RTN1: variants seen among roughly 807,000 people sequenced by gnomAD.
RTN1 encodes the protein reticulon 1.
Under a neutral mutation model 65.5 loss-of-function variants are expected in RTN1, and 25 were observed. The observed-to-expected ratio is 0.38, with a 90% confidence interval of 0.28 to 0.53. The LOEUF (loss-of-function observed/expected upper bound fraction) is 0.53, where lower values mean the gene tolerates loss of function less well. RTN1 is among the 20% of genes least tolerant of loss of function. The probability of loss-of-function intolerance (pLI) is 0.79; values close to 1 mark genes in which losing one functional copy is unlikely to be tolerated. For missense variants in RTN1, 983 were observed against 1,025.4 expected (o/e 0.96, Z 0.57); for synonymous variants, 471 against 447.6 (o/e 1.05, Z -0.66).
At chr14:59,749,188 C>CTATATATATCTA (rs1363003146) in intron 1 of RTN1, among the ~76,000 whole-genome samples, 1 of 71,538 alleles carries the variant, frequency 1.4e-5, no homozygotes, top group African/African-American at 9.5e-5. Flanking sequence ...ATATATCTAT[C>CTATATATATCTA]TATATATATC....
intron 1 of RTN1, among the ~76,000 whole-genome samples, chr14:59,804,965 G>A (rs746837085): frequency 2.6e-5 from 4 of 152,214 alleles, no homozygotes; most frequent in African/African-American, 4.8e-5. Context: ...TCCCCAAGCA[G>A]GTCACAGATC....
rs1555358859 is a variant in RTN1 at position 59,750,232 on chromosome 14, A to ATATAT, written c.242-3756_242-3752dup. 4.3e-3 allele frequency among the ~76,000 whole-genome samples: 118 copies of ATATAT among 27,256 alleles called. 12 individuals are homozygous for ATATAT. Among genetic ancestry groups the ATATAT allele is most frequent in the African/African-American group, 0.014 (112 of 7,752 alleles). 17.9% of individuals were successfully genotyped at this position (27,256 alleles called of 152,430 possible). On this transcript the variant is annotated intron_variant, in intron 1 of 8. Transcript: ENST00000267484. Reference sequence around the variant, plus strand: ...ATAATATATATATTATATCTATAATATATATATTATATCTATAATATATAA... The same window carrying ATATAT: ...ATAATATATATATTATATCTATAATATATATTATATATTATATCTATAATATATAA...
intron 1 of RTN1, among the ~76,000 whole-genome samples, chr14:59,770,790 C>T (rs1041631913): frequency 6.6e-6 from 1 of 152,206 alleles, no homozygotes; most frequent in Non-Finnish European, 1.5e-5. Flanking sequence ...CGCAATGGCT[C>T]ATGCCTGTAA....
intron 1 of RTN1, among the ~76,000 whole-genome samples, chr14:59,789,116 T>C (rs1220353902): frequency 6.6e-6 from 1 of 152,062 alleles, no homozygotes; most frequent in Non-Finnish European, 1.5e-5. Flanking sequence ...CTATTATTTA[T>C]TTCTTTAGCT....
At chr14:59,828,025 T>C (rs1350808432) in intron 1 of RTN1, among the ~76,000 whole-genome samples, 1 of 152,202 alleles carries the variant, frequency 6.6e-6, no homozygotes, top group Non-Finnish European at 1.5e-5. Context: ...CCACCCTATC[T>C]AGCTCCCAGG....
At chr14:59,784,057 C>A (rs527286745) in intron 1 of RTN1, among the ~76,000 whole-genome samples, 1 of 152,112 alleles carries the variant, frequency 6.6e-6, no homozygotes, top group Admixed American at 6.5e-5. Context: ...TGCAAAGTTT[C>A]TATTAGGTCA....
At chr14:59,818,927 G>A (rs1024555451) in intron 1 of RTN1, among the ~76,000 whole-genome samples, 3 of 152,180 alleles carry the variant, frequency 2.0e-5, no homozygotes. Context: ...ATGAAGACGC[G>A]GACCTTCGCG....
At chr14:59,800,974 C>A (rs1449757243) in intron 1 of RTN1, among the ~76,000 whole-genome samples, 1 of 151,688 alleles carries the variant, frequency 6.6e-6, no homozygotes, top group Non-Finnish European at 1.5e-5. Flanking sequence ...AAAAGCTCAT[C>A]AGCTTACTGG....
At chr14:59,617,622 GT>G (rs771573760) in intron 3 of RTN1, among the ~76,000 whole-genome samples, 4 of 152,138 alleles carry the variant, frequency 2.6e-5, no homozygotes, top group Non-Finnish European at 4.4e-5. Flanking sequence ...TGTTCTTGAG[GT>G]TTTTTCTGCA....
In RTN1 at chr14:59,607,414, A is replaced by G. The variant is rs1881794082; in HGVS notation, c.1844T>C (p.Leu615Pro). Residue 615 changes from leucine (L) to proline (P), a missense_variant, in exon 4 of 9, where the codon CTG becomes CCG. Transcript: ENST00000267484. ...FGSFLLLLFS[L>P]TQFSVVSVVA... ...GACGCTCACCACGCTGAACTGGGTC[A>G]GGGAGAAGAGCAGCAGCAGGAAACT... is the stretch of plus-strand genomic sequence containing the variant. The G allele has an allele frequency of 3.1e-6, 5 of 1,613,924 alleles. No individual in the cohort carries two copies. The highest frequency in any genetic ancestry group is 1.3e-5 in the African/African-American group (1 of 75,062).
intron 3 of RTN1, among the ~76,000 whole-genome samples, chr14:59,627,024 T>C (rs1882418232): frequency 6.6e-6 from 1 of 152,188 alleles, no homozygotes; most frequent in Non-Finnish European, 1.5e-5. Context: ...CAGTGAGTGC[T>C]GAGATGGGAG....
At chr14:59,677,849 T>G (rs1431293513) in intron 3 of RTN1, among the ~76,000 whole-genome samples, 1 of 152,148 alleles carries the variant, frequency 6.6e-6, no homozygotes, top group East Asian at 1.9e-4. Context: ...ACCCCAGTCA[T>G]GAAAGGCAGT....
rs1260558986 is a variant in RTN1, at chr14:59,749,195, T to C, written c.242-2714A>G. On this transcript the variant is annotated intron_variant, in intron 1 of 8. Transcript: ENST00000267484. ...ATCTATCTATATATCTATCTATATA[T>C]ATCTATATATATATCTATATATATC... Among the ~76,000 whole-genome samples, 7 of 106,370 alleles carry C rather than the reference T, an allele frequency of 6.6e-5. 1 individual carries two copies. The highest frequency in any genetic ancestry group is 1.1e-4 in the Non-Finnish European group (7 of 60,928). The allele number at this position is 106,370 out of a possible 152,430, so 69.8% of individuals were successfully genotyped here.
At chr14:59,806,199 G>A (rs2139606755) in intron 1 of RTN1, among the ~76,000 whole-genome samples, 1 of 151,872 alleles carries the variant, frequency 6.6e-6, no homozygotes, top group African/African-American at 2.4e-5. Context: ...TTGTGCCACT[G>A]CACTCCAGCC....
At chr14:59,745,216 A>AT (rs1461700587) in intron 2 of RTN1, among the ~76,000 whole-genome samples, 2 of 152,198 alleles carry the variant, frequency 1.3e-5, no homozygotes, top group African/African-American at 4.8e-5. Flanking sequence ...CTTTTACCAG[A>AT]TGCGCCCCTT....
intron 1 of RTN1, among the ~76,000 whole-genome samples, chr14:59,764,923 C>T (rs1218095513): frequency 6.6e-6 from 1 of 152,134 alleles, no homozygotes; most frequent in Non-Finnish European, 1.5e-5. Flanking sequence ...TTTAAGCATT[C>T]CTCTTTATGT....
intron 1 of RTN1, among the ~76,000 whole-genome samples, chr14:59,781,299 T>C (rs1886151024): frequency 6.6e-6 from 1 of 152,068 alleles, no homozygotes; most frequent in Non-Finnish European, 1.5e-5. Context: ...AACTTTATTG[T>C]AGAATTTAAT....
At chr14:59,750,258 T>TTATAGATATA (rs1222971917) in intron 1 of RTN1, among the ~76,000 whole-genome samples, 2 of 44,066 alleles carry the variant, frequency 4.5e-5, no homozygotes, top group African/African-American at 2.0e-4. Flanking sequence ...TAATATATAA[T>TTATAGATATA]ATATATAATA....
intron 2 of RTN1, among the ~76,000 whole-genome samples, chr14:59,735,710 C>T (rs1884988962): frequency 6.6e-6 from 1 of 152,148 alleles, no homozygotes; most frequent in Non-Finnish European, 1.5e-5. Flanking sequence ...CATATGCACA[C>T]AACACGTGGG....
Sources: gnomAD v4.1 joint callset for allele counts (sites outside exome capture counted in the v4.1 genomes callset) on GRCh38, gnomAD v4.1.1 for gene constraint, MANE v1.5 for transcripts, NCBI Gene and HGNC (gene_info 2026-07-23, HGNC 2026-07-21) for gene names.